The following MYO10 variants were observed in gnomAD, a reference collection of about 807,000 sequenced individuals.
The protein encoded by MYO10 is unconventional myosin-X.
MYO10 carries 133 observed loss-of-function variants against 257.3 expected under a neutral mutation model. The observed-to-expected ratio is 0.52, with a 90% CI of 0.45 to 0.60. The LOEUF (loss-of-function observed/expected upper bound fraction) is 0.60. MYO10 is among the 20% of genes least tolerant of loss of function. The probability of loss-of-function intolerance (pLI) is 0.00; values close to 1 mark genes in which losing one functional copy is unlikely to be tolerated. For synonymous variants in MYO10, 1,104 were observed against 1,028.6 expected (o/e 1.07, Z -1.40); for missense variants, 2,399 against 2,635.7 (o/e 0.91, Z 1.97).
chr5:16,781,966 T>C (rs1741437419), intron 5 of MYO10, 137 bp from the exon 6 acceptor site: 1 of 1,080,426 alleles, frequency 9.3e-7, no homozygotes, highest in African/African-American at 1.6e-5. Context: ...GCAATGTTTA[T>C]TTCCGGAAGA....
chr5:16,936,221 T>A lies in MYO10; in HGVS notation c.-413A>T, dbSNP rs888666518. 1 of 192,144 alleles carries A rather than the reference T, an allele frequency of 5.2e-6. No individual in the cohort carries two copies. Among genetic ancestry groups the A allele is most frequent in the African/African-American group, 2.4e-5 (1 of 41,332 alleles). 11.9% of individuals were successfully genotyped at this position (192,144 alleles called of 1,614,324 possible). A position where few individuals can be genotyped will look rare whatever the true frequency, so the allele number is the denominator to read the frequency against. On this transcript the variant is annotated 5_prime_UTR_variant, in exon 1 of 41. Coordinates refer to ENST00000513610, the MANE Select transcript of MYO10 (RefSeq NM_012334.3). ...GCCGCAAAGTGAGCAGGAGCCGCGATCCCCGCGCGAGCGCTTGGAGGTGAG... is the reference window on the plus strand; with the variant it reads ...GCCGCAAAGTGAGCAGGAGCCGCGAACCCCGCGCGAGCGCTTGGAGGTGAG...
At chr5:16,807,923 A>C (rs1327736773) in intron 3 of MYO10, among the ~76,000 whole-genome samples, 1 of 152,078 alleles carries the variant, frequency 6.6e-6, no homozygotes. Context: ...TTCACTAATC[A>C]ATTAGGGACC....
intron 3 of MYO10, among the ~76,000 whole-genome samples, chr5:16,815,781 G>A (rs144641641): frequency 1.3e-4 from 20 of 152,194 alleles, no homozygotes; most frequent in African/African-American, 4.8e-4. Flanking sequence ...ATCTACAAGG[G>A]GATCTTTGAG....
At chr5:16,918,100 C>T (rs1030292708) in intron 1 of MYO10, among the ~76,000 whole-genome samples, 11 of 152,160 alleles carry the variant, frequency 7.2e-5, no homozygotes, top group Admixed American at 3.9e-4. Context: ...CCATCCATTA[C>T]CTTTTAAAGT....
chr5:16,876,422 C>A (rs1407309197), intron 2 of MYO10, among the ~76,000 whole-genome samples: 1 of 152,164 alleles, frequency 6.6e-6, no homozygotes, highest in Non-Finnish European at 1.5e-5. Flanking sequence ...GGAGAAACTT[C>A]TTCAGTTGCT....
intron 35 of MYO10, 35 bp from the exon 36 acceptor site, chr5:16,673,924 T>G: frequency 6.3e-7 from 1 of 1,592,456 alleles, no homozygotes; most frequent in Non-Finnish European, 8.6e-7. Context: ...ATTTTTAGAC[T>G]GATGGGGGCT....
intron 21 of MYO10, among the ~76,000 whole-genome samples, chr5:16,709,111 G>C (rs926794659): frequency 6.6e-6 from 1 of 152,196 alleles, no homozygotes; most frequent in South Asian, 2.1e-4. Context: ...AGCATATGAA[G>C]TCTACATCAG....
chr5:16,886,590 T>C (rs1687782540), intron 1 of MYO10, among the ~76,000 whole-genome samples: 1 of 152,140 alleles, frequency 6.6e-6, no homozygotes, highest in Non-Finnish European at 1.5e-5. Flanking sequence ...TACATCATCA[T>C]CGTCATCATC....
chr5:16,823,938 T>G (rs1742919406), intron 2 of MYO10, among the ~76,000 whole-genome samples: 1 of 152,072 alleles, frequency 6.6e-6, no homozygotes, highest in South Asian at 2.1e-4. Context: ...GAGCAAAACA[T>G]GGAGGATTAA....
chr5:16,752,271 G>A (rs973514555), intron 19 of MYO10, among the ~76,000 whole-genome samples: 9 of 152,084 alleles, frequency 5.9e-5, no homozygotes, highest in South Asian at 4.1e-4. Flanking sequence ...CCCAGCAACC[G>A]AGACTTTATT....
Position 16,672,694 on chromosome 5 carries a change from A to G in MYO10, c.5304T>C (p.Phe1768=), listed in dbSNP as rs758815582. Residue 1768 remains phenylalanine (F), a synonymous_variant, in exon 37 of 41, where the codon TTT becomes TTC. Coordinates refer to ENST00000513610, the MANE Select transcript of MYO10 (RefSeq NM_012334.3). ...RTVVADVLAK[F]EKLAATSEVG... ...AGTAGGGAAAAGGAACCTACTTTTC[A>G]AACTTGGCTAAGACATCAGCTACGA... 2 of 1,614,018 alleles carry G rather than the reference A, an allele frequency of 1.2e-6. No individual in the cohort carries two copies. The highest frequency in any genetic ancestry group is 2.2e-5 in the South Asian group (2 of 91,074).
intron 2 of MYO10, among the ~76,000 whole-genome samples, chr5:16,835,527 T>C (rs1743288826): frequency 7.6e-6 from 1 of 132,120 alleles, no homozygotes; most frequent in African/African-American, 2.8e-5. Flanking sequence ...GTGAGATATG[T>C]ACAAAGACAG....
rs761175865 is a variant in MYO10, at chr5:16,672,864, G to A, written c.5173-39C>T. The stretch of plus-strand genomic sequence containing the variant: ...CAGGGGGACTTCAGTTCCACAGGCT[G>A]CGGCCCCAACACGTGTTCCCAGAAC... On this transcript the variant is annotated intron_variant, in intron 36 of 40. Coordinates refer to ENST00000513610, the MANE Select transcript of MYO10 (RefSeq NM_012334.3). 3.1e-6 allele frequency: 5 copies of A among 1,600,898 alleles called. No homozygotes were observed. In the East Asian group the frequency reaches 1.1e-4, roughly 36 times the overall value.
In MYO10 at chr5:16,694,580, G is replaced by A. The variant is rs754365346; in HGVS notation, c.3591C>T (p.Cys1197=). 5 of 1,613,792 alleles carry A rather than the reference G, an allele frequency of 3.1e-6. No homozygotes were observed. The highest frequency in any genetic ancestry group is 1.6e-4 in the Middle Eastern group (1 of 6,084). The change falls in exon 27 of 41, where the codon TGC becomes TGT. Residue 1197 remains cysteine, a synonymous_variant. Transcript: ENST00000513610. ...GLMNSWKRRW[C]VLKDETFLWF... is the part of the protein sequence containing the mutation. ...ACAAGAAGGTTTCATCCTTGAGGAC[G>A]CACCAGCGGCGTTTCCAAGAGTTCA...
chr5:16,689,386 C>T (rs561796924), intron 28 of MYO10, among the ~76,000 whole-genome samples: 1 of 152,226 alleles, frequency 6.6e-6, no homozygotes, highest in Non-Finnish European at 1.5e-5. Flanking sequence ...CTTTAAAACC[C>T]CCCAGTGCCA....
At chr5:16,921,957 G>A (rs1561061186) in intron 1 of MYO10, among the ~76,000 whole-genome samples, 1 of 152,126 alleles carries the variant, frequency 6.6e-6, no homozygotes, top group South Asian at 2.1e-4. Context: ...GCTCCCACCT[G>A]TAATCCTAGC....
chr5:16,806,083 G>A (rs1208934148), intron 3 of MYO10, among the ~76,000 whole-genome samples: 4 of 151,774 alleles, frequency 2.6e-5, no homozygotes, highest in Admixed American at 6.6e-5. Context: ...AGTGGATCAC[G>A]CCTATAATCC....
intron 19 of MYO10, chr5:16,741,910 T>A: frequency 1.0e-6 from 1 of 985,388 alleles, no homozygotes; most frequent in Non-Finnish European, 1.2e-6. Flanking sequence ...TGGGCTTTCT[T>A]CGGCTGGCTG....
intron 2 of MYO10, among the ~76,000 whole-genome samples, chr5:16,866,473 T>A (rs1256941099): frequency 6.6e-6 from 1 of 152,180 alleles, no homozygotes; most frequent in Non-Finnish European, 1.5e-5. Flanking sequence ...CATATGTGAT[T>A]GCCGATCTCT....
Sources: allele counts gnomAD v4.1 joint callset (sites outside exome capture counted in the v4.1 genomes callset), GRCh38; gene constraint gnomAD v4.1.1; transcripts MANE v1.5; gene names NCBI Gene and HGNC (gene_info 2026-07-23, HGNC 2026-07-21).